The following TOR1A variants were observed in gnomAD, a reference collection of about 807,000 sequenced individuals.
TOR1A encodes torsin-1A.
Under a neutral mutation model 31.4 loss-of-function variants are expected in TOR1A, and 18 were observed. The observed-to-expected ratio is 0.57, with a 90% CI of 0.40 to 0.85. TOR1A has a LOEUF of 0.85. TOR1A is among the 40% of genes least tolerant of loss of function. The pLI, the probability that TOR1A is intolerant of heterozygous loss-of-function variation, is 0.00. For missense variants in TOR1A, 375 were observed against 416.4 expected, an observed-to-expected ratio of 0.90 and a Z score of 0.87; for synonymous variants, 168 against 165.9, an observed-to-expected ratio of 1.01 and a Z score of -0.10.
At chr9:129,819,790 G>T (rs2031136457) in intron 2 of TOR1A, among the ~76,000 whole-genome samples, 1 of 150,770 alleles carries the variant, frequency 6.6e-6, no homozygotes, top group South Asian at 2.1e-4. Context: ...AGGCATAGTG[G>T]CAGGCGCCTG....
At chr9:129,817,028 G>T (rs919474785) in intron 4 of TOR1A, among the ~76,000 whole-genome samples, 1 of 152,172 alleles carries the variant, frequency 6.6e-6, no homozygotes, top group Admixed American at 6.5e-5. Context: ...CCTCCATCAG[G>T]CTGGCTTTCC....
chr9:129,822,915 A>G (rs1564185051), intron 1 of TOR1A, 69 bp from the exon 2 acceptor site: 7 of 1,611,260 alleles, frequency 4.3e-6, no homozygotes, highest in East Asian at 4.5e-5. Flanking sequence ...TTTACAGCCC[A>G]TAAGAAAGCC....
chr9:129,819,859 G>A (rs1312421049), intron 2 of TOR1A, among the ~76,000 whole-genome samples: 2 of 150,242 alleles, frequency 1.3e-5, no homozygotes, highest in African/African-American at 4.9e-5. Context: ...GGAGGTGGAG[G>A]TTGCAGTGAG....
At chr9:129,816,245 C>T (rs1041385812) in intron 4 of TOR1A, among the ~76,000 whole-genome samples, 1 of 152,172 alleles carries the variant, frequency 6.6e-6, no homozygotes, top group Non-Finnish European at 1.5e-5. Flanking sequence ...TGGCTCACTC[C>T]CCCGGGTCAG....
In TOR1A at chr9:129,824,118, G is replaced by A. The variant is rs1335240181; in HGVS notation, c.-33C>T. 5.2e-6 allele frequency: 8 copies of A among 1,541,734 alleles called. No individual in the cohort carries two copies. The highest frequency in any genetic ancestry group is 7.0e-6 in the Non-Finnish European group (8 of 1,149,200). On this transcript the variant is annotated 5_prime_UTR_variant, in exon 1 of 5. Coordinates refer to ENST00000351698, the MANE Select transcript of TOR1A (RefSeq NM_000113.3). ...CCCGCGCCACCCTGCTTGTTCTCGC[G>A]CCGACCGCGAACCGGTGCAGCCGCC... is the stretch of plus-strand genomic sequence containing the variant.
intron 4 of TOR1A, 57 bp from the exon 5 acceptor site, chr9:129,814,279 G>A (rs1242771241): frequency 1.7e-5 from 27 of 1,611,192 alleles, no homozygotes; most frequent in Middle Eastern, 1.9e-4. Context: ...CCCTATAGAC[G>A]CCTCCTGGGG....
intron 4 of TOR1A, among the ~76,000 whole-genome samples, chr9:129,815,270 T>G (rs1375990361): frequency 6.6e-6 from 1 of 152,046 alleles, no homozygotes; most frequent in Non-Finnish European, 1.5e-5. Flanking sequence ...ACTGACAGAG[T>G]GGAGCCTATG....
chr9:129,820,421 G>A (rs1438681142), intron 2 of TOR1A, among the ~76,000 whole-genome samples: 1 of 152,048 alleles, frequency 6.6e-6, no homozygotes, highest in African/African-American at 2.4e-5. Context: ...CACCTGGTCT[G>A]TTCATAGAAC....
chr9:129,819,959 TAAATA>T (rs940102129), intron 2 of TOR1A, among the ~76,000 whole-genome samples: 192 of 147,992 alleles, frequency 1.3e-3, no homozygotes, highest in Middle Eastern at 3.5e-3. Flanking sequence ...TAATAATAAA[TAAATA>T]AAATAAAATA....
At chr9:129,817,398 GC>G (rs1392010923) in intron 4 of TOR1A, among the ~76,000 whole-genome samples, 1 of 152,182 alleles carries the variant, frequency 6.6e-6, no homozygotes, top group East Asian at 1.9e-4. Flanking sequence ...AAATCATGTA[GC>G]TGAAGAAAAT....
chr9:129,814,575 A>G (rs1057259176), intron 4 of TOR1A, among the ~76,000 whole-genome samples: 3 of 151,770 alleles, frequency 2.0e-5, no homozygotes, highest in African/African-American at 7.3e-5. Flanking sequence ...AGATGTTAAC[A>G]GGCACCTGCA....
At chr9:129,819,295 G>A (rs2031123104) in intron 2 of TOR1A, among the ~76,000 whole-genome samples, 1 of 152,150 alleles carries the variant, frequency 6.6e-6, no homozygotes, top group Non-Finnish European at 1.5e-5. Context: ...GGGGCAATGT[G>A]GGATGTCATG....
chr9:129,816,209 G>C (rs1054214975), intron 4 of TOR1A, among the ~76,000 whole-genome samples: 1 of 152,138 alleles, frequency 6.6e-6, no homozygotes, highest in Admixed American at 6.5e-5. Flanking sequence ...CCGCACTGGG[G>C]AATGCTTTTC....
chr9:129,820,322 A>G (rs921219013), intron 2 of TOR1A, among the ~76,000 whole-genome samples: 2 of 151,890 alleles, frequency 1.3e-5, no homozygotes, highest in Non-Finnish European at 2.9e-5. Flanking sequence ...GGGTTTCACC[A>G]TCTTGGCCAG....
At position 129,818,837 on chromosome 9, in the gene TOR1A, A is replaced by G. The variant is rs766092498; in HGVS notation, c.528T>C (p.His176=). Residue 176 remains histidine, a synonymous_variant, in exon 3 of 5, where the codon CAT becomes CAC. Coordinates refer to ENST00000351698, the MANE Select transcript of TOR1A (RefSeq NM_000113.3). ...IFIFDEMDKM[H]AGLIDAIKPF... is the part of the protein sequence containing the mutation. ...GCTTGATGGCATCTATGAGGCCTGCATGCATCTTATCCATTTCATCAAATA... is the reference window on the plus strand; with the variant it reads ...GCTTGATGGCATCTATGAGGCCTGCGTGCATCTTATCCATTTCATCAAATA... The G allele has an allele frequency of 3.1e-6, 5 of 1,613,992 alleles. No individual in the cohort carries two copies. Among genetic ancestry groups the G allele is most frequent in the East Asian group, 4.5e-5 (2 of 44,888 alleles).
At chr9:129,819,601 AT>A (rs2031131101) in intron 2 of TOR1A, among the ~76,000 whole-genome samples, 1 of 152,074 alleles carries the variant, frequency 6.6e-6, no homozygotes, top group South Asian at 2.1e-4. Context: ...ACTAAAAAAA[AT>A]ACAAAAAAAT....
In TOR1A at chr9:129,818,920, C is replaced by A. The variant is rs772781837; in HGVS notation, c.445G>T (p.Asp149Tyr). The A allele has an allele frequency of 2.5e-6, 4 of 1,612,660 alleles. No homozygotes were observed. Among genetic ancestry groups the A allele is most frequent in the Admixed American group, 1.7e-5 (1 of 60,020 alleles). The change falls in exon 3 of 5, where the codon GAT becomes TAT. Residue 149 changes from aspartate (D) to tyrosine (Y), a missense_variant and splice_region_variant. Physicochemically the swap from Asp to Tyr is radical, Grantham distance 160. Transcript: ENST00000351698. ...CCTCGAATCCACAACTGTAACTGAT[C>A]CTGAATTAAAAGGGGAAAAAGCGAA... The part of the protein sequence containing the change: ...PHASNITLYK[D>Y]QLQLWIRGNV...
intron 2 of TOR1A, 63 bp from the exon 3 acceptor site, chr9:129,818,983 C>T: frequency 6.3e-7 from 1 of 1,575,986 alleles, no homozygotes; most frequent in Non-Finnish European, 8.6e-7. Flanking sequence ...TCAGCTCCTT[C>T]TACCACTAAG....
chr9:129,818,218 G>T, intron 4 of TOR1A: 1 of 416,200 alleles, frequency 2.4e-6, no homozygotes, highest in South Asian at 2.1e-5. Context: ...CACAAGAATC[G>T]CTTGAGCCCG....
Sources: gnomAD v4.1 joint callset for allele counts (sites outside exome capture counted in the v4.1 genomes callset) on GRCh38, gnomAD v4.1.1 for gene constraint, MANE v1.5 for transcripts, NCBI Gene and HGNC (gene_info 2026-07-23, HGNC 2026-07-21) for gene names.